The following CNTN6 variants were observed in gnomAD, a reference collection of about 807,000 sequenced individuals.
CNTN6 encodes the protein contactin 6.
A neutral mutation model predicts 122.8 loss-of-function variants in CNTN6; 137 were observed. That is an observed-to-expected ratio of 1.12 (90% CI 0.97 to 1.29). The LOEUF (loss-of-function observed/expected upper bound fraction) is 1.29, where lower values mean the gene tolerates loss of function less well. Ranked by LOEUF, CNTN6 falls within the 50% of genes most tolerant of loss-of-function variation. CNTN6 has a pLI of 0.00. For missense variants in CNTN6, 1,634 were observed against 1,223.4 expected, an observed-to-expected ratio of 1.34 and a Z score of -5.01; for synonymous variants, 570 against 426.0, an observed-to-expected ratio of 1.34 and a Z score of -4.16.
Position 1,277,346 on chromosome 3 carries a change from C to CTTTTTTTTTTTTTT in CNTN6, c.359-1049_359-1036dup, listed in dbSNP as rs10599744. Among the ~76,000 whole-genome samples, 79 of 80,176 alleles carry CTTTTTTTTTTTTTT rather than the reference C, an allele frequency of 9.9e-4. 10 individuals carry two copies. The highest frequency in any genetic ancestry group is 3.4e-3 in the East Asian group (9 of 2,676). 52.6% of individuals were successfully genotyped at this position (80,176 alleles called of 152,430 possible). A position where few individuals can be genotyped will look rare whatever the true frequency, so the allele number is the denominator to read the frequency against. On this transcript the variant is annotated intron_variant, in intron 4 of 22. Coordinates refer to ENST00000446702, the MANE Select transcript of CNTN6 (RefSeq NM_001289080.2). ...CTACTTCTGTCTTTTAGTAGGTTTTCTTTTTTTTTTTTTTTTTTTTTTTTT... is the reference window on the plus strand; with the variant it reads ...CTACTTCTGTCTTTTAGTAGGTTTTCTTTTTTTTTTTTTTTTTTTTTTTTTTTTTTTTTTTTTTT...
chr3:1,250,602 G>T (rs891992824), intron 4 of CNTN6, among the ~76,000 whole-genome samples: 3 of 152,056 alleles, frequency 2.0e-5, no homozygotes, highest in African/African-American at 7.2e-5. Flanking sequence ...GAATTCTTAG[G>T]TCACCCCTCA....
intron 3 of CNTN6, 100 bp downstream of exon 3, chr3:1,220,913 G>A: frequency 7.8e-7 from 1 of 1,284,442 alleles, no homozygotes. Flanking sequence ...AATTTGTAGT[G>A]TACAGCTCAA....
chr3:1,105,859 A>T (rs974665850), intron 1 of CNTN6, among the ~76,000 whole-genome samples: 1 of 152,190 alleles, frequency 6.6e-6, no homozygotes, highest in African/African-American at 2.4e-5. Flanking sequence ...CATAAATTAA[A>T]TACATCTGTG....
intron 11 of CNTN6, among the ~76,000 whole-genome samples, chr3:1,332,379 A>T (rs74535994): frequency 0.013 from 1,986 of 152,050 alleles, 52 homozygotes; most frequent in African/African-American, 0.045. Flanking sequence ...TACAGCATCT[A>T]TGCTTCTGTT....
intron 1 of CNTN6, among the ~76,000 whole-genome samples, chr3:1,144,358 T>C (rs529631496): frequency 6.6e-6 from 1 of 152,138 alleles, no homozygotes; most frequent in East Asian, 1.9e-4. Flanking sequence ...GACGGATCAC[T>C]GGACATCAGG....
intron 12 of CNTN6, among the ~76,000 whole-genome samples, chr3:1,370,029 C>A (rs564635271): frequency 1.3e-5 from 2 of 151,852 alleles, no homozygotes; most frequent in South Asian, 4.2e-4. Context: ...TTTCTCTTAC[C>A]CTTCAACTTC....
chr3:1,348,929 C>T (rs778322788), intron 11 of CNTN6, among the ~76,000 whole-genome samples: 4 of 151,978 alleles, frequency 2.6e-5, no homozygotes, highest in East Asian at 1.9e-4. Flanking sequence ...ATGTCATAGC[C>T]TCCATAAATT....
intron 4 of CNTN6, among the ~76,000 whole-genome samples, chr3:1,248,889 G>A (rs1190240879): frequency 6.6e-6 from 1 of 152,110 alleles, no homozygotes; most frequent in Admixed American, 6.6e-5. Flanking sequence ...AGTGAAGCTA[G>A]GATTTGATGC....
intron 4 of CNTN6, among the ~76,000 whole-genome samples, chr3:1,263,454 T>C (rs1231818332): frequency 2.6e-5 from 4 of 152,114 alleles, no homozygotes; most frequent in Non-Finnish European, 5.9e-5. Context: ...GCTGACACAA[T>C]GCGGCAATAC....
At chr3:1,323,731 T>A (rs867789242) in intron 8 of CNTN6, among the ~76,000 whole-genome samples, 4 of 151,764 alleles carry the variant, frequency 2.6e-5, no homozygotes, top group African/African-American at 9.7e-5. Flanking sequence ...AAGTGGCTTT[T>A]CATAACCAGT....
At chr3:1,391,976 C>T (rs1218250091) in intron 20 of CNTN6, among the ~76,000 whole-genome samples, 2 of 152,190 alleles carry the variant, frequency 1.3e-5, no homozygotes, top group East Asian at 3.9e-4. Flanking sequence ...AATGGCCATA[C>T]TGCCCAAGGT....
At chr3:1,102,349 C>T (rs1355588451) in intron 1 of CNTN6, among the ~76,000 whole-genome samples, 1 of 152,180 alleles carries the variant, frequency 6.6e-6, no homozygotes, top group Non-Finnish European at 1.5e-5. Context: ...CTATCAGGGT[C>T]TCCCAATCAC....
chr3:1,219,540 G>A (rs1306116289), intron 2 of CNTN6, among the ~76,000 whole-genome samples: 1 of 152,008 alleles, frequency 6.6e-6, no homozygotes, highest in African/African-American at 2.4e-5. Context: ...ATGTGCCCTT[G>A]GCATATAGCT....
At chr3:1,149,079 T>C (rs2092783490) in intron 2 of CNTN6, among the ~76,000 whole-genome samples, 1 of 152,152 alleles carries the variant, frequency 6.6e-6, no homozygotes, top group Non-Finnish European at 1.5e-5. Context: ...ACTACATCTC[T>C]TGATAGAAAA....
intron 5 of CNTN6, among the ~76,000 whole-genome samples, 180 bp downstream of exon 5, chr3:1,278,688 G>C (rs925903386): frequency 2.0e-5 from 3 of 152,122 alleles, no homozygotes; most frequent in African/African-American, 7.2e-5. Flanking sequence ...AAAAATATTC[G>C]TTCAAGCAGC....
chr3:1,262,927 TAACTAAA>T (rs1255798656), intron 4 of CNTN6, among the ~76,000 whole-genome samples: 1 of 151,834 alleles, frequency 6.6e-6, no homozygotes, highest in Non-Finnish European at 1.5e-5. Context: ...AAAAGAAAAA[TAACTAAA>T]AAATAAATAA....
chr3:1,225,652 C>T (rs1287691855), intron 3 of CNTN6, among the ~76,000 whole-genome samples: 1 of 150,368 alleles, frequency 6.7e-6, no homozygotes. Context: ...ATATTGGTGT[C>T]TTGAGACAGG....
intron 4 of CNTN6, among the ~76,000 whole-genome samples, chr3:1,247,139 G>C (rs550370432): frequency 1.3e-5 from 2 of 151,914 alleles, no homozygotes; most frequent in African/African-American, 2.4e-5. Context: ...TTTGTCCTTC[G>C]TATTTAAATT....
intron 20 of CNTN6, among the ~76,000 whole-genome samples, chr3:1,386,302 T>C (rs1692920848): frequency 6.6e-6 from 1 of 152,240 alleles, no homozygotes; most frequent in Non-Finnish European, 1.5e-5. Flanking sequence ...TATTCACATG[T>C]GATCCTACAA....
Sources: gnomAD v4.1 joint callset for allele counts (sites outside exome capture counted in the v4.1 genomes callset) on GRCh38, gnomAD v4.1.1 for gene constraint, MANE v1.5 for transcripts, NCBI Gene and HGNC (gene_info 2026-07-23, HGNC 2026-07-21) for gene names.